CNBD1: variants seen among roughly 807,000 people sequenced by gnomAD.
CNBD1 encodes cyclic nucleotide binding domain containing 1.
Under a neutral mutation model 54.4 loss-of-function variants are expected in CNBD1, and 71 were observed. The ratio of observed to expected loss-of-function variants is 1.30; its 90% CI spans 1.08 to 1.59. The LOEUF is 1.59. Ranked by LOEUF, CNBD1 falls within the 40% of genes most tolerant of loss-of-function variation. The probability of loss-of-function intolerance (pLI) is 0.00; values close to 1 mark genes in which losing one functional copy is unlikely to be tolerated. For synonymous variants in CNBD1, 182 were observed against 170.7 expected (o/e 1.07, Z -0.51); for missense variants, 659 against 518.0 (o/e 1.27, Z -2.64).
intron 4 of CNBD1, among the ~76,000 whole-genome samples, chr8:87,139,581 G>T (rs1193577027): frequency 6.6e-6 from 1 of 152,192 alleles, no homozygotes; most frequent in Admixed American, 6.5e-5. Flanking sequence ...CACCTTGACT[G>T]CTGCTGCCTA....
chr8:87,365,846 A>G (rs181004815), intron 10 of CNBD1, among the ~76,000 whole-genome samples: 2 of 152,208 alleles, frequency 1.3e-5, no homozygotes, highest in Admixed American at 1.3e-4. Context: ...AACTCACAGG[A>G]AGCATTTACA....
rs536334162 is a variant in CNBD1 at position 87,143,270 on chromosome 8, T to G, written c.432-62723T>G. On this transcript the variant is annotated intron_variant, in intron 4 of 10. Transcript: ENST00000518476. Reference sequence around the variant, plus strand: ...AAGGGATGTCTGAAACCTTAATTCTTTGAAGTGGGCATGACATTGGTTCTA... The same window carrying G: ...AAGGGATGTCTGAAACCTTAATTCTGTGAAGTGGGCATGACATTGGTTCTA... 2.6e-5 allele frequency among the ~76,000 whole-genome samples: 4 copies of G among 152,258 alleles called. No homozygotes were observed. In the South Asian group the frequency reaches 8.3e-4, roughly 32 times the overall value.
chr8:87,423,317 A>G (rs886648473), intron 2 of CNBD1, among the ~76,000 whole-genome samples: 3 of 148,284 alleles, frequency 2.0e-5, no homozygotes, highest in African/African-American at 5.1e-5. Flanking sequence ...ACTATGTTGA[A>G]TAGGAGTGGT....
At chr8:87,418,547 G>A (rs1450663446) in intron 2 of CNBD1, among the ~76,000 whole-genome samples, 1 of 151,526 alleles carries the variant, frequency 6.6e-6, no homozygotes, top group Non-Finnish European at 1.5e-5. Context: ...ACGTTTCAAA[G>A]GACACTATCA....
chr8:87,346,493 C>T (rs1810178700), intron 8 of CNBD1, among the ~76,000 whole-genome samples: 1 of 150,994 alleles, frequency 6.6e-6, no homozygotes, highest in South Asian at 2.1e-4. Flanking sequence ...ATCTCTTTTT[C>T]TTCCATAAGT....
At chr8:87,408,353 C>G (rs1321344671) in intron 2 of CNBD1, among the ~76,000 whole-genome samples, 1 of 151,958 alleles carries the variant, frequency 6.6e-6, no homozygotes, top group Non-Finnish European at 1.5e-5. Context: ...TCCCACCTAT[C>G]AAGTTCTTCA....
intron 4 of CNBD1, among the ~76,000 whole-genome samples, chr8:87,125,457 A>C (rs1811972485): frequency 6.6e-6 from 1 of 151,772 alleles, no homozygotes; most frequent in Admixed American, 6.6e-5. Context: ...ACAGTATCCA[A>C]AACCCATAAA....
chr8:86,975,215 T>C (rs777743921), intron 4 of CNBD1, among the ~76,000 whole-genome samples: 11 of 152,106 alleles, frequency 7.2e-5, no homozygotes, highest in Non-Finnish European at 8.8e-5. Flanking sequence ...AATATATCTG[T>C]CATCTCACAT....
intron 4 of CNBD1, among the ~76,000 whole-genome samples, chr8:87,188,818 G>A (rs935801827): frequency 2.1e-4 from 22 of 103,366 alleles, no homozygotes; most frequent in African/African-American, 5.0e-4. Flanking sequence ...ACAGTAAAGC[G>A]TCTTTTTTTT....
At chr8:86,886,160 T>G (rs888255643) in intron 1 of CNBD1, among the ~76,000 whole-genome samples, 1 of 152,098 alleles carries the variant, frequency 6.6e-6, no homozygotes, top group Non-Finnish European at 1.5e-5. Context: ...TGAACACCAT[T>G]AGAAAAACAG....
rs1355591499 is a variant in CNBD1, at chr8:87,223,998, G to A, written c.578-12921G>A. Among the ~76,000 whole-genome samples, 7 of 152,132 alleles carry A rather than the reference G, an allele frequency of 4.6e-5. No homozygotes were observed. The East Asian group carries it at 7.7e-4, about 17-fold the overall frequency. ...TGCATTTCTCTGATGGCCAGTGACGGTGAGCATTTTTTCATGTGTTTTTTG... is the reference window on the plus strand; with the variant it reads ...TGCATTTCTCTGATGGCCAGTGACGATGAGCATTTTTTCATGTGTTTTTTG... On this transcript the variant is annotated intron_variant, in intron 5 of 10. Transcript: ENST00000518476.
chr8:87,275,460 G>A (rs1015791169), intron 6 of CNBD1, among the ~76,000 whole-genome samples: 2 of 151,952 alleles, frequency 1.3e-5, no homozygotes, highest in Non-Finnish European at 2.9e-5. Context: ...TTGAGCAGTG[G>A]TTTGTAGTTC....
Position 87,106,474 on chromosome 8 carries a change from G to T in CNBD1, c.432-99519G>T, listed in dbSNP as rs189744651. 9.8e-5 allele frequency among the ~76,000 whole-genome samples: 15 copies of T among 152,298 alleles called. No individual in the cohort carries two copies. In the East Asian group the frequency reaches 2.9e-3, roughly 29 times the overall value. On this transcript the variant is annotated intron_variant, in intron 4 of 10. Coordinates refer to ENST00000518476, the MANE Select transcript of CNBD1 (RefSeq NM_173538.3). ...GATCCACCTGCCTCAGCCTCCTCAA[G>T]TGTGGGAATTACAGGCATGAGCCAC...
intron 8 of CNBD1, among the ~76,000 whole-genome samples, chr8:87,289,366 A>G (rs891571225): frequency 3.3e-5 from 5 of 152,108 alleles, no homozygotes; most frequent in Admixed American, 6.6e-5. Flanking sequence ...AGTGTTGCTT[A>G]TAATTTGGGT....
intron 6 of CNBD1, among the ~76,000 whole-genome samples, chr8:87,272,936 C>T (rs570245930): frequency 6.6e-6 from 1 of 151,840 alleles, no homozygotes; most frequent in African/African-American, 2.4e-5. Context: ...CTCGCTCTTC[C>T]AAAAATTGTT....
intron 8 of CNBD1, among the ~76,000 whole-genome samples, chr8:87,287,022 A>AT (rs1356162913): frequency 4.6e-5 from 7 of 152,038 alleles, no homozygotes; most frequent in African/African-American, 7.2e-5. Context: ...GAAAAAAACC[A>AT]TTTTTTTCTT....
intron 4 of CNBD1, among the ~76,000 whole-genome samples, chr8:87,027,857 C>G (rs1586207671): frequency 6.6e-6 from 1 of 152,222 alleles, no homozygotes; most frequent in African/African-American, 2.4e-5. Flanking sequence ...AAAACACAAT[C>G]CAACTGCTGC....
intron 4 of CNBD1, among the ~76,000 whole-genome samples, chr8:86,967,364 C>T (rs1165593303): frequency 6.6e-6 from 1 of 152,238 alleles, no homozygotes; most frequent in Non-Finnish European, 1.5e-5. Flanking sequence ...CCCAGGAGGG[C>T]CAGGCTCCTG....
chr8:87,144,194 G>A (rs1055892627), intron 4 of CNBD1, among the ~76,000 whole-genome samples: 8 of 152,082 alleles, frequency 5.3e-5, no homozygotes, highest in South Asian at 2.1e-4. Flanking sequence ...AGTGTTCTCC[G>A]GTTGATAAAA....
Sources: allele counts gnomAD v4.1 joint callset (sites outside exome capture counted in the v4.1 genomes callset), GRCh38; gene constraint gnomAD v4.1.1; transcripts MANE v1.5; gene names NCBI Gene and HGNC (gene_info 2026-07-23, HGNC 2026-07-21).